ROBO2: variants seen among roughly 807,000 people sequenced by gnomAD.
ROBO2 encodes roundabout guidance receptor 2.
ROBO2 carries 53 observed loss-of-function variants against 160.8 expected under a neutral mutation model. The ratio of observed to expected loss-of-function variants is 0.33; its 90% confidence interval spans 0.26 to 0.41. ROBO2 has a LOEUF of 0.41. Among genes scored for constraint, ROBO2 ranks in the 10% least tolerant of loss-of-function variants. The probability of loss-of-function intolerance (pLI) is 1.00; values close to 1 mark genes in which losing one functional copy is unlikely to be tolerated. For synonymous variants in ROBO2, 664 were observed against 611.7 expected, an observed-to-expected ratio of 1.09 and a Z score of -1.26; for missense variants, 1,577 against 1,722.4, an observed-to-expected ratio of 0.92 and a Z score of 1.49.
At chr3:76,845,896 A>G (rs1446189714) in intron 2 of ROBO2, among the ~76,000 whole-genome samples, 2 of 152,104 alleles carry the variant, frequency 1.3e-5, no homozygotes, top group Non-Finnish European at 2.9e-5. Flanking sequence ...TGCAAAATTA[A>G]TGATCATGTT....
intron 2 of ROBO2, among the ~76,000 whole-genome samples, chr3:77,157,238 A>C (rs2078097390): frequency 6.6e-6 from 1 of 152,098 alleles, no homozygotes; most frequent in African/African-American, 2.4e-5. Context: ...GAAATAATTC[A>C]ATGTTTTATT....
intron 2 of ROBO2, among the ~76,000 whole-genome samples, chr3:76,773,843 C>A (rs1182404373): frequency 6.6e-6 from 1 of 150,582 alleles, no homozygotes; most frequent in Non-Finnish European, 1.5e-5. Flanking sequence ...TACAAAGAAA[C>A]TGGATTTATT....
Position 77,607,783 on chromosome 3 carries a change from C to T in ROBO2, c.3137-15C>T, listed in dbSNP as rs773663631. On this transcript the variant is annotated splice_polypyrimidine_tract_variant and intron_variant, in intron 20 of 25. Coordinates refer to ENST00000461745, the Ensembl canonical transcript of ROBO2. The stretch of plus-strand genomic sequence containing the variant: ...GCTATTTGGCATCTCTGAATAAATA[C>T]GTTATTACTTTCAGGTGGGAAAGGT... 1.2e-5 allele frequency: 20 copies of T among 1,611,224 alleles called. No homozygotes were observed. The highest frequency in any genetic ancestry group is 9.4e-5 in the African/African-American group (7 of 74,788).
chr3:77,210,312 T>C (rs538543735), intron 2 of ROBO2, among the ~76,000 whole-genome samples: 1 of 152,232 alleles, frequency 6.6e-6, no homozygotes, highest in African/African-American at 2.4e-5. Context: ...CAAAAATGTA[T>C]GCATAATTAA....
chr3:77,069,529 A>G (rs1202320216), intron 1 of ROBO2, among the ~76,000 whole-genome samples: 2 of 152,200 alleles, frequency 1.3e-5, no homozygotes, highest in African/African-American at 4.8e-5. Flanking sequence ...CTTTGATGGA[A>G]TATCTTTGTT....
intron 2 of ROBO2, among the ~76,000 whole-genome samples, chr3:76,339,985 A>G (rs933565047): frequency 3.3e-5 from 5 of 151,976 alleles, no homozygotes; most frequent in Admixed American, 1.3e-4. Flanking sequence ...CATCTTTACT[A>G]TAATCATCGA....
intron 2 of ROBO2, among the ~76,000 whole-genome samples, chr3:76,047,724 T>G (rs1358395138): frequency 6.6e-6 from 1 of 152,244 alleles, no homozygotes; most frequent in Non-Finnish European, 1.5e-5. Flanking sequence ...TATGCCTGCG[T>G]GCATGATGTA....
At chr3:77,241,536 TGAC>T (rs2089040651) in intron 2 of ROBO2, among the ~76,000 whole-genome samples, 1 of 152,184 alleles carries the variant, frequency 6.6e-6, no homozygotes, top group Admixed American at 6.5e-5. Context: ...ACACTTTAAG[TGAC>T]TTTCCACAGT....
intron 2 of ROBO2, among the ~76,000 whole-genome samples, chr3:77,453,852 C>A (rs1397996396): frequency 6.6e-6 from 1 of 151,956 alleles, no homozygotes; most frequent in African/African-American, 2.4e-5. Flanking sequence ...AAATCAAAAC[C>A]AAATAACATA....
rs2106929559 is a variant in ROBO2 at position 76,681,382 on chromosome 3, A to C, written c.110-416632A>C. Among the ~76,000 whole-genome samples, 5 of 152,290 alleles carry C rather than the reference A, an allele frequency of 3.3e-5. No individual in the cohort carries two copies. In the South Asian group the frequency reaches 1.0e-3, roughly 32 times the overall value. On this transcript the variant is annotated intron_variant, in intron 2 of 26. Transcript: ENST00000487694. ...AGCTATTGCATTCTAAGCACTTTGC[A>C]TTCAACCACTTCAATCCTTTCAACA...
Position 76,855,251 on chromosome 3 carries a change from CTTTAGG to C in ROBO2, c.110-242762_110-242757del, listed in dbSNP as rs201499864. Among the ~76,000 whole-genome samples, 503 of 152,256 alleles carry C rather than the reference CTTTAGG, an allele frequency of 3.3e-3. 16 individuals are homozygous for C. Among genetic ancestry groups the C allele is most frequent in the Admixed American group, 0.027 (412 of 15,298 alleles). On this transcript the variant is annotated intron_variant, in intron 2 of 26. Coordinates refer to the ROBO2 transcript ENST00000487694. Reference sequence around the variant, plus strand: ...ACCTCAAATTTAATCAAAATCTTTTCTTTAGGGCAAAATAGTCCACTGTGTGTGGAT... The same window carrying C: ...ACCTCAAATTTAATCAAAATCTTTTCGCAAAATAGTCCACTGTGTGTGGAT...
chr3:76,459,904 T>C (rs915470007), intron 2 of ROBO2, among the ~76,000 whole-genome samples: 2 of 152,118 alleles, frequency 1.3e-5, no homozygotes, highest in African/African-American at 4.8e-5. Context: ...CTTCTCCAAA[T>C]GTGTGGTTTA....
chr3:76,255,492 C>T (rs1706297757), intron 2 of ROBO2, among the ~76,000 whole-genome samples: 1 of 151,970 alleles, frequency 6.6e-6, no homozygotes, highest in South Asian at 2.1e-4. Context: ...ACTCAATCCT[C>T]AGGAACTGGT....
intron 5 of ROBO2, among the ~76,000 whole-genome samples, chr3:77,516,306 GA>G (rs2090011234): frequency 2.6e-5 from 4 of 151,516 alleles, no homozygotes; most frequent in African/African-American, 9.7e-5. Flanking sequence ...TAAAATGGGG[GA>G]AATAATAGCT....
chr3:77,512,504 T>G (rs570765638), intron 5 of ROBO2, among the ~76,000 whole-genome samples: 1 of 152,138 alleles, frequency 6.6e-6, no homozygotes, highest in East Asian at 1.9e-4. Context: ...TAGATGGATG[T>G]ATCTCCATGT....
At position 76,984,571 on chromosome 3, in the gene ROBO2, G is replaced by A. The variant is rs376736486; in HGVS notation, c.110-113443G>A. 2.3e-3 allele frequency among the ~76,000 whole-genome samples: 346 copies of A among 152,152 alleles called. 1 individual carries two copies. Among genetic ancestry groups the A allele is most frequent in the African/African-American group, 7.8e-3 (325 of 41,512 alleles). On this transcript the variant is annotated intron_variant, in intron 2 of 26. Coordinates refer to the ROBO2 transcript ENST00000487694. ...AAGCAGTTACCGAAATCCAGATGAG[G>A]GTTAAACCCTTTTACTTTGGGTTTG... is the stretch of plus-strand genomic sequence containing the variant.
chr3:77,222,705 T>C (rs1384429974), intron 2 of ROBO2, among the ~76,000 whole-genome samples: 2 of 152,224 alleles, frequency 1.3e-5, no homozygotes, highest in Non-Finnish European at 2.9e-5. Flanking sequence ...AGCATTTCTT[T>C]TTCACTTAAA....
intron 2 of ROBO2, among the ~76,000 whole-genome samples, chr3:76,799,412 C>T (rs1400801999): frequency 6.6e-6 from 1 of 151,798 alleles, no homozygotes; most frequent in East Asian, 1.9e-4. Context: ...TGCATCCAAA[C>T]TGCAAAGGAA....
chr3:77,178,861 A>C (rs1351223740), intron 2 of ROBO2, among the ~76,000 whole-genome samples: 2 of 152,054 alleles, frequency 1.3e-5, no homozygotes, highest in Non-Finnish European at 2.9e-5. Context: ...TTGATTTGTT[A>C]AGAAATACTT....
Sources: gnomAD v4.1 joint callset for allele counts (sites outside exome capture counted in the v4.1 genomes callset) on GRCh38, gnomAD v4.1.1 for gene constraint, MANE v1.5 for transcripts, NCBI Gene and HGNC (gene_info 2026-07-23, HGNC 2026-07-21) for gene names.